Variants in SOX5 observed in about 807,000 individuals in gnomAD.
SOX5 encodes the protein transcription factor SOX-5.
SOX5 carries 9 observed loss-of-function variants against 92.0 expected under a neutral mutation model. That is an observed-to-expected ratio of 0.10 (90% CI 0.06 to 0.17). The LOEUF (loss-of-function observed/expected upper bound fraction) is 0.17, where lower values mean the gene tolerates loss of function less well. Ranked by LOEUF, SOX5 falls within the 10% of genes least tolerant of loss-of-function variation. The pLI is 1.00. For synonymous variants in SOX5, 344 were observed against 336.3 expected (o/e 1.02, Z -0.25); for missense variants, 642 against 944.5 (o/e 0.68, Z 4.20).
intron 4 of SOX5, among the ~76,000 whole-genome samples, chr12:24,118,587 A>G (rs538671359): frequency 2.0e-5 from 3 of 152,152 alleles, no homozygotes; most frequent in Non-Finnish European, 2.9e-5. Context: ...TTAAAAAAAA[A>G]GCCTAGGAAA....
intron 2 of SOX5, among the ~76,000 whole-genome samples, chr12:24,279,029 C>T (rs1867091331): frequency 6.6e-6 from 1 of 151,882 alleles, no homozygotes; most frequent in South Asian, 2.1e-4. Context: ...GGTAATTTTA[C>T]CCACAAGAGG....
chr12:23,704,713 T>TATATATATATATATATAC (rs1305435619), intron 6 of SOX5, among the ~76,000 whole-genome samples: 8 of 89,072 alleles, frequency 9.0e-5, no homozygotes, highest in South Asian at 3.0e-4. Context: ...TATATATATA[T>TATATATATATATATATAC]ATACACACAC....
intron 1 of SOX5, among the ~76,000 whole-genome samples, chr12:24,377,858 A>C (rs1957442407): frequency 6.6e-6 from 1 of 152,240 alleles, no homozygotes; most frequent in African/African-American, 2.4e-5. Context: ...GCTGGTCTTC[A>C]TTATTACCAC....
intron 1 of SOX5, among the ~76,000 whole-genome samples, chr12:23,902,310 T>G (rs2097243244): frequency 6.6e-6 from 1 of 152,164 alleles, no homozygotes; most frequent in African/African-American, 2.4e-5. Context: ...TAAGTTTCTT[T>G]CTTTAAATAT....
At chr12:23,581,624 G>C (rs900556921) in intron 9 of SOX5, among the ~76,000 whole-genome samples, 9 of 151,948 alleles carry the variant, frequency 5.9e-5, no homozygotes, top group African/African-American at 2.2e-4. Flanking sequence ...TGGTATTTCA[G>C]CTATTTATTA....
chr12:24,249,521 G>A (rs988173506), intron 3 of SOX5, among the ~76,000 whole-genome samples: 6 of 152,216 alleles, frequency 3.9e-5, no homozygotes, highest in Admixed American at 6.5e-5. Context: ...ACAGCAGCCT[G>A]TAATTTTACT....
chr12:23,762,567 T>A (rs1048936776), intron 3 of SOX5: 8 of 563,022 alleles, frequency 1.4e-5, no homozygotes, highest in South Asian at 2.4e-5. Flanking sequence ...CCAAAATACT[T>A]GTTTGTTTCC....
chr12:24,275,115 T>C (rs528040693), intron 3 of SOX5, among the ~76,000 whole-genome samples: 1 of 152,282 alleles, frequency 6.6e-6, no homozygotes, highest in South Asian at 2.1e-4. Context: ...ATATAGTGTC[T>C]TAACAAACAG....
Position 24,007,822 on chromosome 12 carries a change from C to T in SOX5, c.-1-111798G>A, listed in dbSNP as rs1457213092. Among the ~76,000 whole-genome samples, 48 of 27,438 alleles carry T rather than the reference C, an allele frequency of 1.7e-3. 2 individuals carry two copies. The highest frequency in any genetic ancestry group is 0.025 in the Middle Eastern group (1 of 40). 18.0% of individuals were successfully genotyped at this position (27,438 alleles called of 152,430 possible). ...ACACACACACACACACACACACACA[C>T]ATATATATATATATCTTAAATGAAG... On this transcript the variant is annotated intron_variant, in intron 4 of 4. Coordinates refer to the SOX5 transcript ENST00000446891.
chr12:23,718,545 A>T (rs2092636873), intron 6 of SOX5, among the ~76,000 whole-genome samples: 2 of 152,232 alleles, frequency 1.3e-5, no homozygotes, highest in African/African-American at 4.8e-5. Flanking sequence ...GTTTTTATAA[A>T]CCATGTTTAA....
chr12:24,189,057 A>G (rs892344601), intron 4 of SOX5, among the ~76,000 whole-genome samples: 1 of 152,172 alleles, frequency 6.6e-6, no homozygotes, highest in Non-Finnish European at 1.5e-5. Context: ...CTCAGTTACC[A>G]TATCCCATCT....
intron 4 of SOX5, among the ~76,000 whole-genome samples, chr12:24,124,604 G>A (rs1014197387): frequency 1.3e-5 from 2 of 151,882 alleles, no homozygotes; most frequent in African/African-American, 4.8e-5. Context: ...AGGATTTTGG[G>A]TGGATCCCCA....
chr12:24,149,026 C>G (rs1490342214), intron 4 of SOX5, among the ~76,000 whole-genome samples: 1 of 151,954 alleles, frequency 6.6e-6, no homozygotes, highest in Non-Finnish European at 1.5e-5. Flanking sequence ...ACTGGGTATT[C>G]ATAAGGAAAA....
chr12:23,564,749 G>A (rs148677786), intron 10 of SOX5, among the ~76,000 whole-genome samples: 2 of 152,298 alleles, frequency 1.3e-5, no homozygotes, highest in East Asian at 3.9e-4. Flanking sequence ...AATACTCTTT[G>A]TCTCAATTAT....
At chr12:24,135,780 G>A (rs916397652) in intron 4 of SOX5, among the ~76,000 whole-genome samples, 30 of 152,210 alleles carry the variant, frequency 2.0e-4, no homozygotes, top group Middle Eastern at 3.4e-3. Flanking sequence ...AGGCCTGGGG[G>A]CAGGCAGTCC....
At chr12:24,508,697 G>C (rs1949031034) in intron 1 of SOX5, among the ~76,000 whole-genome samples, 1 of 152,142 alleles carries the variant, frequency 6.6e-6, no homozygotes, top group Non-Finnish European at 1.5e-5. Context: ...CTGGCACCTA[G>C]CATGGTGTGG....
chr12:24,280,991 G>A (rs1945111795), intron 2 of SOX5, among the ~76,000 whole-genome samples: 2 of 70,094 alleles, frequency 2.9e-5, no homozygotes, highest in South Asian at 1.6e-3. Flanking sequence ...GGGGAAGGGA[G>A]AGAGAGAGAG....
Position 23,534,530 on chromosome 12 carries a change from G to A in SOX5, c.1989-8C>T, listed in dbSNP as rs1240251308. The A allele has an allele frequency of 1.9e-6, 3 of 1,603,624 alleles. No individual in the cohort carries two copies. The highest frequency in any genetic ancestry group is 2.6e-6 in the Non-Finnish European group (3 of 1,174,666). On this transcript the variant is annotated splice_region_variant and splice_polypyrimidine_tract_variant and intron_variant, in intron 14 of 14. Coordinates refer to ENST00000451604, the MANE Select transcript of SOX5 (RefSeq NM_006940.6). ...GGGATCTGTGCTTGTTGCCTGTCAA[G>A]AAAGGAATTTCCAAAAAGACATCGT... is the stretch of plus-strand genomic sequence containing the variant.
chr12:24,102,367 C>T (rs77439396), intron 4 of SOX5, among the ~76,000 whole-genome samples: 5,673 of 152,188 alleles, frequency 0.037, 133 homozygotes, highest in Admixed American at 0.059. Context: ...AATGTCTCTG[C>T]CACATAATTT....
Sources: allele counts gnomAD v4.1 joint callset (sites outside exome capture counted in the v4.1 genomes callset), GRCh38; gene constraint gnomAD v4.1.1; transcripts MANE v1.5; gene names NCBI Gene and HGNC (gene_info 2026-07-23, HGNC 2026-07-21).